Variants in TOPAZ1 observed in about 807,000 individuals in gnomAD.
The protein encoded by TOPAZ1 is protein TOPAZ1.
Under a neutral mutation model 172.2 loss-of-function variants are expected in TOPAZ1, and 66 were observed. The ratio of observed to expected loss-of-function variants is 0.38; its 90% CI spans 0.31 to 0.47. TOPAZ1 has a LOEUF of 0.47. Among genes scored for constraint, TOPAZ1 ranks in the 20% least tolerant of loss-of-function variants. The pLI is 0.99. For synonymous variants in TOPAZ1, 681 were observed against 683.9 expected (o/e 1.00, Z 0.07); for missense variants, 1,822 against 1,972.4 (o/e 0.92, Z 1.44).
chr3:44,320,631 C>G (rs1397185114), intron 16 of TOPAZ1, among the ~76,000 whole-genome samples: 1 of 152,000 alleles, frequency 6.6e-6, no homozygotes. Context: ...AAAAGCTATT[C>G]CCCAGTAATA....
At chr3:44,277,632 C>T (rs1310410777) in intron 8 of TOPAZ1, among the ~76,000 whole-genome samples, 1 of 152,138 alleles carries the variant, frequency 6.6e-6, no homozygotes, top group Non-Finnish European at 1.5e-5. Flanking sequence ...TGTCCCTGCC[C>T]ATATCTCACA....
At chr3:44,274,467 CATAATA>C (rs1255872918) in intron 8 of TOPAZ1, among the ~76,000 whole-genome samples, 3 of 150,674 alleles carry the variant, frequency 2.0e-5, no homozygotes, top group East Asian at 1.9e-4. Context: ...GTAAAAGAAA[CATAATA>C]ATAATAACTA....
intron 7 of TOPAZ1, 119 bp downstream of exon 7, chr3:44,269,420 AT>A: frequency 1.7e-6 from 1 of 578,008 alleles, no homozygotes; most frequent in Non-Finnish European, 3.1e-6. Context: ...CCTTAAAAAA[AT>A]AATTTTATAA....
chr3:44,243,280 T>C lies in TOPAZ1; in HGVS notation c.774T>C (p.Asn258=). The C allele has an allele frequency of 6.4e-7, 1 of 1,551,466 alleles. No homozygotes were observed. The highest frequency in any genetic ancestry group is 1.2e-5 in the South Asian group (1 of 84,030). The part of the protein sequence containing the change: ...PDGGCMHVAE[N]FSKKENLRSL... ...GTGGATGTATGCATGTAGCAGAAAATTTCTCAAAGAAAGAAAACCTTAGGA... is the reference window on the plus strand; with the variant it reads ...GTGGATGTATGCATGTAGCAGAAAACTTCTCAAAGAAAGAAAACCTTAGGA... The change falls in exon 2 of 20, where the codon AAT becomes AAC. Residue 258 remains asparagine, a synonymous_variant. Transcript: ENST00000309765.
intron 16 of TOPAZ1, among the ~76,000 whole-genome samples, chr3:44,319,359 A>G (rs920556154): frequency 1.3e-5 from 2 of 152,210 alleles, no homozygotes; most frequent in Non-Finnish European, 2.9e-5. Flanking sequence ...TACCATATAT[A>G]CTTTCCAAAA....
intron 5 of TOPAZ1, 43 bp downstream of exon 5, chr3:44,262,526 TCATC>T: frequency 2.0e-6 from 2 of 1,020,666 alleles, no homozygotes; most frequent in Non-Finnish European, 2.9e-6. Flanking sequence ...AAATAGTCAC[TCATC>T]TAATTTATAT....
chr3:44,285,378 A>T (rs1700066505), intron 9 of TOPAZ1, among the ~76,000 whole-genome samples: 2 of 152,060 alleles, frequency 1.3e-5, no homozygotes, highest in Admixed American at 1.3e-4. Flanking sequence ...AGGTGGGAAG[A>T]TCGCTCAAGC....
At chr3:44,309,230 G>T (rs943039637) in intron 15 of TOPAZ1, among the ~76,000 whole-genome samples, 10 of 151,972 alleles carry the variant, frequency 6.6e-5, no homozygotes, top group African/African-American at 2.4e-4. Context: ...CTTAGTCTAC[G>T]GAATTAAGAA....
At chr3:44,281,867 T>C (rs1700026871) in intron 8 of TOPAZ1, 101 bp from the exon 9 acceptor site, 1 of 680,484 alleles carries the variant, frequency 1.5e-6, no homozygotes, top group Admixed American at 3.3e-5. Flanking sequence ...TTTGAGATCA[T>C]TTAAAAATTT....
At chr3:44,292,704 A>G (rs1700151101) in intron 12 of TOPAZ1, among the ~76,000 whole-genome samples, 1 of 152,218 alleles carries the variant, frequency 6.6e-6, no homozygotes, top group Non-Finnish European at 1.5e-5. Context: ...CATGAGTTTT[A>G]ACGATACATG....
At chr3:44,315,517 A>C (rs1198471696) in intron 16 of TOPAZ1, among the ~76,000 whole-genome samples, 2 of 146,158 alleles carry the variant, frequency 1.4e-5, no homozygotes, top group Non-Finnish European at 1.5e-5. Flanking sequence ...ACAGGTGTGC[A>C]CCACCACGTC....
intron 12 of TOPAZ1, among the ~76,000 whole-genome samples, chr3:44,296,570 A>G (rs554033535): frequency 2.1e-3 from 326 of 152,170 alleles, no homozygotes; most frequent in Non-Finnish European, 3.6e-3. Flanking sequence ...GAAAAGGAGC[A>G]AGTCCTTAAA....
intron 16 of TOPAZ1, among the ~76,000 whole-genome samples, chr3:44,317,313 C>T (rs1013637661): frequency 6.6e-6 from 1 of 151,942 alleles, no homozygotes; most frequent in African/African-American, 2.4e-5. Context: ...CCCAGCTACT[C>T]AGGAGGCTGA....
intron 13 of TOPAZ1, among the ~76,000 whole-genome samples, chr3:44,304,344 C>T (rs930770818): frequency 7.2e-5 from 11 of 152,014 alleles, no homozygotes; most frequent in African/African-American, 2.7e-4. Context: ...AGTAAAATAA[C>T]AATTCGAAGC....
chr3:44,275,768 A>C (rs977762183), intron 8 of TOPAZ1, among the ~76,000 whole-genome samples: 1 of 151,972 alleles, frequency 6.6e-6, no homozygotes, highest in Non-Finnish European at 1.5e-5. Context: ...TTTTTAAGAA[A>C]TCTCCATACT....
At chr3:44,257,382 T>C (rs1001704416) in intron 4 of TOPAZ1, among the ~76,000 whole-genome samples, 1 of 136,744 alleles carries the variant, frequency 7.3e-6, no homozygotes, top group East Asian at 2.1e-4. Flanking sequence ...TGTGTGTGTG[T>C]GTGTGTGTGT....
rs1034400460 is a variant in TOPAZ1, at chr3:44,262,549, TG to T, written c.3020+67del. 83 of 844,686 alleles carry T rather than the reference TG, an allele frequency of 9.8e-5. No individual in the cohort carries two copies. In the Middle Eastern group the frequency reaches 1.8e-3, roughly 19 times the overall value. The allele number at this position is 844,686 out of a possible 1,614,324, so 52.3% of individuals were successfully genotyped here. Reference sequence around the variant, plus strand: ...ACTCATCTAATTTATATCTTGAGTATGTTTTTTATTCTCTGCTGTTTATATG... The same window carrying T: ...ACTCATCTAATTTATATCTTGAGTATTTTTTTATTCTCTGCTGTTTATATG... On this transcript the variant is annotated intron_variant, in intron 5 of 19. Coordinates refer to ENST00000309765, the MANE Select transcript of TOPAZ1 (RefSeq NM_001145030.2).
intron 16 of TOPAZ1, among the ~76,000 whole-genome samples, chr3:44,311,142 T>TATG (rs1327151844): frequency 1.3e-5 from 2 of 152,192 alleles, no homozygotes; most frequent in Non-Finnish European, 2.9e-5. Context: ...TATATTCATA[T>TATG]ACATGTGATT....
chr3:44,298,921 T>TGTTTGTTTGTTTG (rs1482074547), intron 12 of TOPAZ1, among the ~76,000 whole-genome samples: 5 of 41,716 alleles, frequency 1.2e-4, no homozygotes, highest in African/African-American at 4.4e-4. Flanking sequence ...TTTTTTTTTT[T>TGTTTGTTTGTTTG]TTTTTTTTTT....
Sources: allele counts gnomAD v4.1 joint callset (sites outside exome capture counted in the v4.1 genomes callset), GRCh38; gene constraint gnomAD v4.1.1; transcripts MANE v1.5; gene names NCBI Gene and HGNC (gene_info 2026-07-23, HGNC 2026-07-21).